Variants in ANK3 observed in about 807,000 individuals in gnomAD.
The protein encoded by ANK3 is ankyrin-3.
Under a neutral mutation model 370.9 loss-of-function variants are expected in ANK3, and 57 were observed. The ratio of observed to expected loss-of-function variants is 0.15; its 90% CI spans 0.12 to 0.19. The LOEUF (loss-of-function observed/expected upper bound fraction) is 0.19, where lower values mean the gene tolerates loss of function less well. Ranked by LOEUF, ANK3 falls within the 10% of genes least tolerant of loss-of-function variation. The pLI is 1.00. For synonymous variants in ANK3, 1,929 were observed against 1,946.3 expected (o/e 0.99, Z 0.23); for missense variants, 4,439 against 5,302.1 (o/e 0.84, Z 5.06).
chr10:60,216,447 C>T (rs1249976256), intron 8 of ANK3, among the ~76,000 whole-genome samples: 1 of 152,052 alleles, frequency 6.6e-6, no homozygotes, highest in East Asian at 1.9e-4. Context: ...CCATCAATCC[C>T]TAGTTTGTTG....
At chr10:60,527,926 C>A (rs888640519) in intron 2 of ANK3, among the ~76,000 whole-genome samples, 2 of 152,074 alleles carry the variant, frequency 1.3e-5, no homozygotes, top group Non-Finnish European at 2.9e-5. Context: ...GAACCCCTAA[C>A]TGCTCCAAAG....
intron 1 of ANK3, among the ~76,000 whole-genome samples, chr10:60,291,383 C>G (rs1432519621): frequency 6.6e-6 from 1 of 152,038 alleles, no homozygotes; most frequent in Admixed American, 6.6e-5. Flanking sequence ...ACTATTTTGA[C>G]TTCAAACTAT....
intron 2 of ANK3, among the ~76,000 whole-genome samples, chr10:60,607,254 T>C (rs370156162): frequency 6.6e-6 from 1 of 152,134 alleles, no homozygotes; most frequent in African/African-American, 2.4e-5. Context: ...GTAGGTATTA[T>C]ATCTATTTTG....
intron 21 of ANK3, 97 bp downstream of exon 21, chr10:60,172,211 G>T: frequency 2.1e-6 from 2 of 934,720 alleles, no homozygotes; most frequent in Non-Finnish European, 3.4e-6. Flanking sequence ...ATGGTGCTTA[G>T]TTTATGAATG....
intron 21 of ANK3, 28 bp from the exon 22 acceptor site, chr10:60,166,924 T>A (rs752492068): frequency 1.3e-6 from 2 of 1,591,640 alleles, no homozygotes; most frequent in East Asian, 2.2e-5. Flanking sequence ...GTCATTTTAG[T>A]GTGAGCAGAC....
chr10:60,601,113 C>T (rs2078055216), intron 2 of ANK3, among the ~76,000 whole-genome samples: 1 of 151,768 alleles, frequency 6.6e-6, no homozygotes, highest in Non-Finnish European at 1.5e-5. Flanking sequence ...CAAAAATAGA[C>T]TTTCACATGT....
intron 42 of ANK3, chr10:60,044,726 G>A (rs1276991602): frequency 4.6e-5 from 7 of 152,152 alleles, no homozygotes; most frequent in African/African-American, 1.4e-4. Context: ...TAGTTCTACC[G>A]AATCTCTAGA....
chr10:60,597,980 C>T (rs183363681), intron 2 of ANK3, among the ~76,000 whole-genome samples: 245 of 152,192 alleles, frequency 1.6e-3, no homozygotes, highest in Non-Finnish European at 2.7e-3. Context: ...CTAATACTTT[C>T]GGTAAGGTGA....
chr10:60,053,227 A>G (rs777451138), intron 42 of ANK3, among the ~76,000 whole-genome samples: 3 of 152,250 alleles, frequency 2.0e-5, no homozygotes, highest in Middle Eastern at 3.2e-3. Context: ...TGTGTTGACG[A>G]AAGAAAAGAA....
Position 60,072,549 on chromosome 10 carries a change from C to T in ANK3, c.8332G>A (p.Val2778Ile), listed in dbSNP as rs552690976. The change falls in exon 37 of 44, where the codon GTA becomes ATA. Residue 2778 changes from valine to isoleucine, a missense_variant. This residue lies in a region of ANK3 where 1,601 missense variants were observed against 1,731.7 expected (regional missense o/e 0.92). Coordinates refer to ENST00000280772, the MANE Select transcript of ANK3 (RefSeq NM_020987.5). ...QKAIDLPDES[V>I]SVQKDFMVLK... is the part of the protein sequence containing the mutation. ...ACCATAAAATCTTTTTGCACAGATA[C>T]ACTTTCATCTGGGAGGTCTATGGCC... is the stretch of plus-strand genomic sequence containing the variant. The T allele has an allele frequency of 1.9e-6, 3 of 1,613,308 alleles. No individual in the cohort carries two copies. Among genetic ancestry groups the T allele is most frequent in the Non-Finnish European group, 2.5e-6 (3 of 1,179,792 alleles).
Position 60,073,467 on chromosome 10 carries a change from T to G in ANK3, c.7414A>C (p.Lys2472Gln). 6.2e-7 allele frequency: 1 copy of G among 1,614,024 alleles called. No individual in the cohort carries two copies. Among genetic ancestry groups the G allele is most frequent in the Non-Finnish European group, 8.5e-7 (1 of 1,179,996 alleles). Residue 2472 changes from lysine to glutamine, a missense_variant, in exon 37 of 44, where the codon AAG becomes CAG. This residue lies in a region of ANK3 where 1,601 missense variants were observed against 1,731.7 expected (regional missense o/e 0.92). Transcript: ENST00000280772. ...GTATCAGAATGAGACACATCTAGCT[T>G]TTCTGACAGAAGCATTTTCTCAGCA... ...RFAEKMLLSE[K>Q]LDVSHSDTEE...
chr10:60,587,158 T>A (rs2077843724), intron 2 of ANK3, among the ~76,000 whole-genome samples: 2 of 152,082 alleles, frequency 1.3e-5, no homozygotes, highest in African/African-American at 4.8e-5. Context: ...AACTATCACT[T>A]ATAAAGCCAT....
chr10:60,225,574 C>A (rs1379273442), intron 8 of ANK3, among the ~76,000 whole-genome samples: 1 of 152,142 alleles, frequency 6.6e-6, no homozygotes, highest in African/African-American at 2.4e-5. Context: ...AAAATATAAG[C>A]AGTCAATGTT....
intron 1 of ANK3, among the ~76,000 whole-genome samples, chr10:60,314,969 T>G (rs2047095784): frequency 6.6e-6 from 1 of 152,232 alleles, no homozygotes; most frequent in Admixed American, 6.5e-5. Flanking sequence ...TTACGTTGGC[T>G]TAGACTTCTG....
chr10:60,312,098 T>G (rs1453723796), intron 1 of ANK3, among the ~76,000 whole-genome samples: 2 of 152,150 alleles, frequency 1.3e-5, no homozygotes, highest in African/African-American at 2.4e-5. Context: ...AGGATAGACT[T>G]GAGCTGGTTT....
At chr10:60,375,901 G>C (rs1311390886) in intron 1 of ANK3, among the ~76,000 whole-genome samples, 3 of 152,114 alleles carry the variant, frequency 2.0e-5, no homozygotes, top group Admixed American at 6.5e-5. Context: ...ATTTCTTCCA[G>C]GTGGACAAGG....
chr10:60,197,231 A>G (rs1236555893), intron 14 of ANK3, among the ~76,000 whole-genome samples: 2 of 152,180 alleles, frequency 1.3e-5, no homozygotes, highest in African/African-American at 4.8e-5. Context: ...ATGGTTTTAG[A>G]ATGACGACGT....
At chr10:60,307,123 A>C (rs1256350394) in intron 1 of ANK3, among the ~76,000 whole-genome samples, 1 of 152,230 alleles carries the variant, frequency 6.6e-6, no homozygotes, top group Non-Finnish European at 1.5e-5. Context: ...CAGTGTTCAC[A>C]AATAAAGTTC....
rs547035273 is a variant in ANK3 at position 60,700,901 on chromosome 10, C to T, written c.57+32362G>A. Among the ~76,000 whole-genome samples the T allele has an allele frequency of 2.1e-3, 311 of 151,662 alleles. 1 individual carries two copies. Among genetic ancestry groups the T allele is most frequent in the Non-Finnish European group, 3.7e-3 (254 of 67,878 alleles). ...GGAGAAAACTTTTCTAATTAAGATC[C>T]AGAACCTAAAAACAATAAGATAAAG... On this transcript the variant is annotated intron_variant, in intron 1 of 43. Coordinates refer to the ANK3 transcript ENST00000373827.
Sources: gnomAD v4.1 joint callset for allele counts (sites outside exome capture counted in the v4.1 genomes callset) on GRCh38, gnomAD v4.1.1 for gene constraint, gnomAD v4.1.1 regional missense constraint, MANE v1.5 for transcripts, NCBI Gene and HGNC (gene_info 2026-07-23, HGNC 2026-07-21) for gene names.